The following NETO1 variants were observed in gnomAD, a reference collection of about 807,000 sequenced individuals.
The protein encoded by NETO1 is neuropilin and tolloid like 1, also known as neuropilin and tolloid-like protein 1.
A neutral mutation model predicts 61.3 loss-of-function variants in NETO1; 26 were observed. The observed-to-expected ratio is 0.42, with a 90% CI of 0.31 to 0.59. NETO1 has a LOEUF of 0.59. Among genes scored for constraint, NETO1 ranks in the 20% least tolerant of loss-of-function variants. The pLI is 0.12. For missense variants in NETO1, 531 were observed against 662.8 expected, an observed-to-expected ratio of 0.80 and a Z score of 2.18; for synonymous variants, 225 against 225.8, an observed-to-expected ratio of 1.00 and a Z score of 0.03.
At chr18:72,743,563 T>C (rs1599067290), downstream of NETO1, among the ~76,000 whole-genome samples, 1 of 152,298 alleles carries the variant, frequency 6.6e-6, no homozygotes, top group Non-Finnish European at 1.5e-5. Flanking sequence ...GGCTTAATTT[T>C]CCTTATACAG....
intron 4 of NETO1, among the ~76,000 whole-genome samples, chr18:72,858,126 G>A (rs888927333): frequency 4.6e-5 from 7 of 152,244 alleles, no homozygotes; most frequent in African/African-American, 1.4e-4. Context: ...TGTTCTTGCA[G>A]TGAAAAAATG....
chr18:72,748,888 A>T lies in NETO1; in HGVS notation c.*14+126T>A, dbSNP rs556213378. ...TGAACCCATCGTATTTCTAATTGTGAAATGTCATGAAACACATATCTCAAG... is the reference window on the plus strand; with the variant it reads ...TGAACCCATCGTATTTCTAATTGTGTAATGTCATGAAACACATATCTCAAG... On this transcript the variant is annotated intron_variant, in intron 10 of 10. Coordinates refer to ENST00000327305, the MANE Select transcript of NETO1 (RefSeq NM_138966.5). 6 of 700,298 alleles carry T rather than the reference A, an allele frequency of 8.6e-6. No homozygotes were observed. In the African/African-American group the frequency reaches 1.1e-4, roughly 13 times the overall value. 43.4% of individuals were successfully genotyped at this position (700,298 alleles called of 1,614,324 possible).
At chr18:72,840,360 C>T (rs758936999) in intron 4 of NETO1, among the ~76,000 whole-genome samples, 6 of 152,182 alleles carry the variant, frequency 3.9e-5, no homozygotes, top group Non-Finnish European at 8.8e-5. Flanking sequence ...TTGCTACATG[C>T]GGGCAGTTAG....
At chr18:72,861,758 T>C (rs542408571) in intron 3 of NETO1, among the ~76,000 whole-genome samples, 1 of 152,340 alleles carries the variant, frequency 6.6e-6, no homozygotes, top group South Asian at 2.1e-4. Context: ...CTTTCTCTTC[T>C]ATTTTAAATG....
At chr18:72,795,601 T>C (rs2072283881) in intron 4 of NETO1, among the ~76,000 whole-genome samples, 1 of 152,194 alleles carries the variant, frequency 6.6e-6, no homozygotes, top group Non-Finnish European at 1.5e-5. Context: ...TTATACTCTT[T>C]TTTTTCCATT....
intron 8 of NETO1, among the ~76,000 whole-genome samples, chr18:72,754,195 A>G (rs185292621): frequency 2.2e-4 from 33 of 152,232 alleles, no homozygotes; most frequent in African/African-American, 7.9e-4. Flanking sequence ...ACAATGCATT[A>G]AAAACTCTAA....
At chr18:72,839,940 A>C (rs2073874740) in intron 4 of NETO1, among the ~76,000 whole-genome samples, 1 of 152,224 alleles carries the variant, frequency 6.6e-6, no homozygotes, top group African/African-American at 2.4e-5. Context: ...GTACTCAATG[A>C]ACATCCAGTT....
rs1210131254 is a variant in NETO1 at position 72,783,663 on chromosome 18, T to G, written c.868+15A>C. 2 of 1,610,590 alleles carry G rather than the reference T, an allele frequency of 1.2e-6. No homozygotes were observed. The highest frequency in any genetic ancestry group is 1.7e-6 in the Non-Finnish European group (2 of 1,176,922). The stretch of plus-strand genomic sequence containing the variant: ...CATATACGAAGGAAAAATAGTCAAG[T>G]GCAGAGAATCTTACGTTCTTGAAAG... On this transcript the variant is annotated intron_variant, in intron 7 of 10. Coordinates refer to ENST00000327305, the MANE Select transcript of NETO1 (RefSeq NM_138966.5).
chr18:72,750,091 CCTGTGA>C lies in NETO1; in HGVS notation c.1506_1511del (p.Ser502_His503del). On this transcript the variant is annotated inframe_deletion, in exon 9 of 11. Transcript: ENST00000327305. ...GGACGGCTTTATCGTGTCTGGACAGCCTGTGACTGGTGGTCGGCACCTCTTCGATTT... is the reference window on the plus strand; with the variant it reads ...GGACGGCTTTATCGTGTCTGGACAGCCTGGTGGTCGGCACCTCTTCGATTT... 18 of 1,604,172 alleles carry C rather than the reference CCTGTGA, an allele frequency of 1.1e-5. No individual in the cohort carries two copies. Among genetic ancestry groups the C allele is most frequent in the Non-Finnish European group, 1.5e-5 (18 of 1,175,228 alleles).
At chr18:72,857,417 A>C (rs553882706) in intron 4 of NETO1, among the ~76,000 whole-genome samples, 1 of 152,238 alleles carries the variant, frequency 6.6e-6, no homozygotes, top group Admixed American at 6.5e-5. Flanking sequence ...AGAAACATGG[A>C]TAGCATTGCT....
chr18:72,832,743 G>A (rs2073622284), intron 4 of NETO1, among the ~76,000 whole-genome samples: 1 of 152,088 alleles, frequency 6.6e-6, no homozygotes, highest in Admixed American at 6.6e-5. Context: ...GCTGAAGTAT[G>A]GTTGATTACA....
intron 4 of NETO1, among the ~76,000 whole-genome samples, chr18:72,803,502 A>C (rs1379287773): frequency 1.3e-5 from 2 of 152,164 alleles, no homozygotes; most frequent in African/African-American, 4.8e-5. Flanking sequence ...ACAAAAGAAT[A>C]ATCACCCCTC....
At chr18:72,838,543 T>C (rs1257371157) in intron 4 of NETO1, among the ~76,000 whole-genome samples, 1 of 152,210 alleles carries the variant, frequency 6.6e-6, no homozygotes, top group African/African-American at 2.4e-5. Context: ...TGCACACTTC[T>C]ACTGTCATCC....
Position 72,746,927 on chromosome 18 carries a change from C to G in NETO1, c.*1252G>C, listed in dbSNP as rs957992501. ...GGATTTTACTTTATGTTAAACACAT[C>G]ATAATCACTAAGCTTTCAGGTGTAT... On this transcript the variant is annotated 3_prime_UTR_variant, in exon 11 of 11. Coordinates refer to ENST00000327305, the MANE Select transcript of NETO1 (RefSeq NM_138966.5). 1.3e-5 allele frequency among the ~76,000 whole-genome samples: 2 copies of G among 151,950 alleles called. No homozygotes were observed. The highest frequency in any genetic ancestry group is 1.3e-4 in the Admixed American group (2 of 15,242).
intron 4 of NETO1, among the ~76,000 whole-genome samples, chr18:72,853,788 C>T (rs1328728248): frequency 2.0e-5 from 3 of 151,014 alleles, no homozygotes; most frequent in Admixed American, 2.0e-4. Context: ...CTTTTAATCT[C>T]AGCCTTTAAA....
At chr18:72,801,840 C>A (rs566815895) in intron 4 of NETO1, among the ~76,000 whole-genome samples, 3 of 151,938 alleles carry the variant, frequency 2.0e-5, no homozygotes, top group Non-Finnish European at 4.4e-5. Flanking sequence ...TATAGTTATA[C>A]CATATTTTTC....
At chr18:72,844,821 ATGTT>A (rs146234324) in intron 4 of NETO1, among the ~76,000 whole-genome samples, 1,902 of 152,238 alleles carry the variant, frequency 0.012, 28 homozygotes, top group East Asian at 0.066. Context: ...TAGAGAAAGA[ATGTT>A]TGATTGCAGT....
intron 1 of NETO1, chr18:72,865,508 T>C: frequency 3.2e-6 from 5 of 1,551,608 alleles, no homozygotes; most frequent in Middle Eastern, 3.4e-4. Context: ...AAAGGCAACA[T>C]GTCAATTTAC....
intron 4 of NETO1, among the ~76,000 whole-genome samples, chr18:72,802,353 TC>T (rs2072535553): frequency 6.6e-6 from 1 of 152,238 alleles, no homozygotes; most frequent in African/African-American, 2.4e-5. Flanking sequence ...GGATGAAAAG[TC>T]GGTAAAAGAA....
Sources: gnomAD v4.1 joint callset for allele counts (sites outside exome capture counted in the v4.1 genomes callset) on GRCh38, gnomAD v4.1.1 for gene constraint, MANE v1.5 for transcripts, NCBI Gene and HGNC (gene_info 2026-07-23, HGNC 2026-07-21) for gene names.